The following RBM25 variants were observed in gnomAD, a reference collection of about 807,000 sequenced individuals.
RBM25 encodes RNA binding motif protein 25.
RBM25 carries 19 observed loss-of-function variants against 120.7 expected under a neutral mutation model. The ratio of observed to expected loss-of-function variants is 0.16; its 90% CI spans 0.11 to 0.23. The LOEUF is 0.23. Among genes scored for constraint, RBM25 ranks in the 10% least tolerant of loss-of-function variants. RBM25 has a pLI of 1.00. For missense variants in RBM25, 605 were observed against 1,041.5 expected, an observed-to-expected ratio of 0.58 and a Z score of 5.77; for synonymous variants, 390 against 326.7, an observed-to-expected ratio of 1.19 and a Z score of -2.09.
At chr14:73,059,260 T>C (rs1894942124) in intron 1 of RBM25, 1 of 152,230 alleles carries the variant, frequency 6.6e-6, no homozygotes, top group Non-Finnish European at 1.5e-5. Flanking sequence ...CCCCTTGGAA[T>C]TGAGCTAATA....
chr14:73,066,297 CTACT>C (rs1488821155), intron 1 of RBM25, among the ~76,000 whole-genome samples: 4 of 152,102 alleles, frequency 2.6e-5, no homozygotes, highest in African/African-American at 9.7e-5. Context: ...GATAACCTAC[CTACT>C]GTTTAAAACA....
intron 1 of RBM25, among the ~76,000 whole-genome samples, chr14:73,064,583 C>T (rs938273833): frequency 4.6e-5 from 7 of 150,994 alleles, no homozygotes; most frequent in African/African-American, 1.7e-4. Flanking sequence ...TTAATAGAGA[C>T]GGGCTTTCAC....
intron 14 of RBM25, among the ~76,000 whole-genome samples, chr14:73,110,339 T>C (rs1896284393): frequency 6.6e-6 from 1 of 152,120 alleles, no homozygotes; most frequent in Non-Finnish European, 1.5e-5. Flanking sequence ...ATGAGCAGAA[T>C]GCCTGACTGA....
intron 10 of RBM25, among the ~76,000 whole-genome samples, chr14:73,105,227 C>T (rs1896159419): frequency 6.6e-6 from 1 of 150,860 alleles, no homozygotes; most frequent in South Asian, 2.1e-4. Context: ...CCCACATCAG[C>T]CTCTGGAGTA....
intron 4 of RBM25, among the ~76,000 whole-genome samples, chr14:73,078,059 T>G (rs916719306): frequency 1.3e-5 from 2 of 152,104 alleles, no homozygotes; most frequent in African/African-American, 2.4e-5. Context: ...TCCCAGCACT[T>G]CAGGAGGCCG....
At chr14:73,082,810 C>G (rs1447609392) in intron 4 of RBM25, among the ~76,000 whole-genome samples, 2 of 151,898 alleles carry the variant, frequency 1.3e-5, no homozygotes, top group African/African-American at 4.8e-5. Context: ...GCCTGTAATC[C>G]CAGCACTTTG....
Position 73,110,986 on chromosome 14 carries a change from T to C in RBM25, c.1848T>C (p.Thr616=). 6.2e-7 allele frequency: 1 copy of C among 1,613,892 alleles called. No individual in the cohort carries two copies. The highest frequency in any genetic ancestry group is 8.5e-7 in the Non-Finnish European group (1 of 1,179,886). The part of the protein sequence containing the change: ...EPEQKPCLKP[T]LRPISSAPSV... ...AGCAAAAGCCTTGTCTGAAACCTAC[T>C]CTGAGGCCCATCAGCTCTGCTCCAT... The change falls in exon 15 of 19, where the codon ACT becomes ACC. Residue 616 remains threonine, a synonymous_variant. Transcript: ENST00000261973.
In RBM25 at chr14:73,069,632, C is replaced by T. The variant is rs148290444; in HGVS notation, c.-15-1995C>T. ...ATTTTTAGTGGAGATGGGGTTTCTC[C>T]ATGTTAGCTAGACTGGTCCTGAACT... On this transcript the variant is annotated intron_variant, in intron 1 of 18. Coordinates refer to ENST00000261973, the MANE Select transcript of RBM25 (RefSeq NM_021239.3). Among the ~76,000 whole-genome samples, 1,379 of 151,254 alleles carry T rather than the reference C, an allele frequency of 9.1e-3. 38 individuals carry two copies. Among genetic ancestry groups the T allele is most frequent in the East Asian group, 0.042 (215 of 5,132 alleles).
rs1418025650 is a variant in RBM25, at chr14:73,105,863, A to G, written c.1159A>G (p.Lys387Glu). 6.2e-7 allele frequency: 1 copy of G among 1,607,576 alleles called. No homozygotes were observed. Among genetic ancestry groups the G allele is most frequent in the Non-Finnish European group, 8.5e-7 (1 of 1,178,284 alleles). The change falls in exon 11 of 19, where the codon AAA becomes GAA. Residue 387 changes from lysine to glutamate, a missense_variant. Coordinates refer to ENST00000261973, the MANE Select transcript of RBM25 (RefSeq NM_021239.3). ...AAAATATTTTGTTTACATTAGAGAA[A>G]AAAGCAGAGATCGTGAAAGGGAACG... ...RNKDRSRSRE[K>E]SRDRERERER...
intron 6 of RBM25, among the ~76,000 whole-genome samples, chr14:73,096,254 G>A (rs962640506): frequency 6.6e-6 from 1 of 152,160 alleles, no homozygotes; most frequent in Admixed American, 6.5e-5. Context: ...TGGGATTACA[G>A]GAGTGAGCCA....
intron 7 of RBM25, 30 bp from the exon 8 acceptor site, chr14:73,099,350 A>G (rs777968623): frequency 1.9e-6 from 3 of 1,588,216 alleles, no homozygotes; most frequent in Admixed American, 1.9e-5. Context: ...TTTCTTTTTT[A>G]AAAAAGATTC....
intron 7 of RBM25, among the ~76,000 whole-genome samples, chr14:73,097,671 C>T (rs1895979282): frequency 6.6e-6 from 1 of 152,176 alleles, no homozygotes; most frequent in African/African-American, 2.4e-5. Context: ...TGTTCTGTCT[C>T]TGTTCTAAGC....
chr14:73,079,908 TA>T (rs1895518397), intron 4 of RBM25, among the ~76,000 whole-genome samples: 1 of 150,640 alleles, frequency 6.6e-6, no homozygotes. Flanking sequence ...CCACAAGGCC[TA>T]ATCTGAGGTC....
At chr14:73,076,286 C>T (rs377459249) in intron 2 of RBM25, 33 bp from the exon 3 acceptor site, 2 of 1,558,166 alleles carry the variant, frequency 1.3e-6, no homozygotes, top group Non-Finnish European at 1.8e-6. Flanking sequence ...AGAATGCAGT[C>T]ATGTAAAATC....
At chr14:73,086,022 G>C (rs1440830645) in intron 5 of RBM25, among the ~76,000 whole-genome samples, 2 of 151,286 alleles carry the variant, frequency 1.3e-5, no homozygotes, top group African/African-American at 2.4e-5. Context: ...CAGCTGCTTT[G>C]TTATCTGGTA....
intron 1 of RBM25, among the ~76,000 whole-genome samples, chr14:73,064,402 A>T (rs1033137691): frequency 1.3e-5 from 2 of 151,078 alleles, no homozygotes; most frequent in African/African-American, 4.8e-5. Flanking sequence ...AATCTTTTTT[A>T]TTTTTGTTTT....
intron 17 of RBM25, among the ~76,000 whole-genome samples, chr14:73,113,171 C>A (rs916396792): frequency 6.6e-6 from 1 of 151,940 alleles, no homozygotes; most frequent in African/African-American, 2.4e-5. Flanking sequence ...TGTGATGTTC[C>A]CCTCCCTGTG....
Position 73,083,471 on chromosome 14 carries a change from GTTTGT to G in RBM25, c.325-14_325-10del, listed in dbSNP as rs781595572. ...TTATTTTGTTAAATGGTAGCAATCT[GTTTGT>G]TTTGTTTTCTTTTTAAGAAATGTGG... On this transcript the variant is annotated intron_variant, in intron 4 of 18. Transcript: ENST00000261973. The G allele has an allele frequency of 6.5e-7, 1 of 1,543,086 alleles. No individual in the cohort carries two copies. Among genetic ancestry groups the G allele is most frequent in the South Asian group, 1.3e-5 (1 of 79,524 alleles).
In RBM25 at chr14:73,097,070, C is replaced by T; in HGVS notation, c.699C>T (p.Pro233=). The part of the protein sequence containing the change: ...NAPSQESDSH[P]RKKKKEKKED... Reference sequence around the variant, plus strand: ...CCTCACAGGAATCTGATTCTCACCCCAGGAAGAAGAAGAAGGAAAAGAAGG... The same window carrying T: ...CCTCACAGGAATCTGATTCTCACCCTAGGAAGAAGAAGAAGGAAAAGAAGG... The change falls in exon 7 of 19, where the codon CCC becomes CCT. Residue 233 remains proline, a synonymous_variant. Coordinates refer to ENST00000261973, the MANE Select transcript of RBM25 (RefSeq NM_021239.3). The T allele has an allele frequency of 6.2e-7, 1 of 1,610,672 alleles. No homozygotes were observed. Among genetic ancestry groups the T allele is most frequent in the Non-Finnish European group, 8.5e-7 (1 of 1,179,248 alleles).
Sources: allele counts gnomAD v4.1 joint callset (sites outside exome capture counted in the v4.1 genomes callset), GRCh38; gene constraint gnomAD v4.1.1; transcripts MANE v1.5; gene names NCBI Gene and HGNC (gene_info 2026-07-23, HGNC 2026-07-21).